Variants in FLT3 observed in about 807,000 individuals in gnomAD.
FLT3 encodes receptor-type tyrosine-protein kinase FLT3.
Under a neutral mutation model 126.6 loss-of-function variants are expected in FLT3, and 46 were observed. The ratio of observed to expected loss-of-function variants is 0.36; its 90% CI spans 0.29 to 0.46. The LOEUF (loss-of-function observed/expected upper bound fraction) is 0.46, where lower values mean the gene tolerates loss of function less well. Ranked by LOEUF, FLT3 falls within the 20% of genes least tolerant of loss-of-function variation. FLT3 has a pLI of 1.00. For missense variants in FLT3, 1,069 were observed against 1,190.3 expected, an observed-to-expected ratio of 0.90 and a Z score of 1.50; for synonymous variants, 404 against 434.4, an observed-to-expected ratio of 0.93 and a Z score of 0.87.
chr13:28,018,566 G>A lies in FLT3; in HGVS notation c.2442C>T (p.Ala814=), dbSNP rs1419646686. 2 of 1,614,118 alleles carry A rather than the reference G, an allele frequency of 1.2e-6. No homozygotes were observed. ...TCCCGTGGGTGACAAGCACGTTCCT[G>A]GCGGCCAGGTCTCTGTGAACACACT... ...FKSCVHRDLA[A]RNVLVTHGKV... The change falls in exon 20 of 24, where the codon GCC becomes GCT. Residue 814 remains alanine, a synonymous_variant. Transcript: ENST00000241453.
chr13:28,060,688 TC>T (rs1876474064), intron 3 of FLT3, among the ~76,000 whole-genome samples: 1 of 151,952 alleles, frequency 6.6e-6, no homozygotes, highest in South Asian at 2.1e-4. Flanking sequence ...TCACCGAACA[TC>T]CCCCTCTGGG....
At chr13:28,064,598 C>T (rs909448877) in intron 2 of FLT3, among the ~76,000 whole-genome samples, 3 of 151,980 alleles carry the variant, frequency 2.0e-5, no homozygotes, top group Admixed American at 6.6e-5. Flanking sequence ...GAATGGCCCT[C>T]AAGCATATGA....
At chr13:28,010,942 G>A (rs936202910) in intron 23 of FLT3, among the ~76,000 whole-genome samples, 3 of 151,984 alleles carry the variant, frequency 2.0e-5, no homozygotes, top group Non-Finnish European at 2.9e-5. Flanking sequence ...GGTGAAGGTT[G>A]CAGTGAGCGG....
intron 2 of FLT3, among the ~76,000 whole-genome samples, chr13:28,063,738 G>GA (rs10719225): frequency 1.6e-4 from 24 of 147,750 alleles, no homozygotes; most frequent in African/African-American, 3.7e-4. Flanking sequence ...TATGAGACTA[G>GA]AAAAAAAAAA....
intron 2 of FLT3, chr13:28,067,550 G>A (rs1314721778): frequency 6.5e-6 from 1 of 153,602 alleles, no homozygotes; most frequent in Admixed American, 6.6e-5. Flanking sequence ...GAGTCCCACA[G>A]AGCCATGAAG....
rs1293019337 is a variant in FLT3, at chr13:28,014,666, C to T, written c.2754-109G>A. ...TTATTCCTCTGGAGCTGCTTATTTA[C>T]AGCATGTTTGTTTTGTGGCAAGTCC... On this transcript the variant is annotated intron_variant, in intron 22 of 23. Coordinates refer to ENST00000241453, the MANE Select transcript of FLT3 (RefSeq NM_004119.3). 6.9e-6 allele frequency: 5 copies of T among 724,974 alleles called. No homozygotes were observed. In the East Asian group the frequency reaches 1.4e-4, roughly 20 times the overall value. 44.9% of individuals were successfully genotyped at this position (724,974 alleles called of 1,614,324 possible). A position where few individuals can be genotyped will look rare whatever the true frequency, so the allele number is the denominator to read the frequency against.
Position 28,099,771 on chromosome 13 carries a change from A to G in FLT3, c.43+697T>C, listed in dbSNP as rs9554258. Among the ~76,000 whole-genome samples, 24 of 152,242 alleles carry G rather than the reference A, an allele frequency of 1.6e-4. No homozygotes were observed. In the East Asian group the frequency reaches 4.6e-3, roughly 29 times the overall value. On this transcript the variant is annotated intron_variant, in intron 1 of 23. Coordinates refer to ENST00000241453, the MANE Select transcript of FLT3 (RefSeq NM_004119.3). ...ATGCTACCCAGCAGATTCTTTGGGG[A>G]CAGTCCTCGGAGTCCTTGAAAACCC...
intron 1 of FLT3, among the ~76,000 whole-genome samples, chr13:28,076,126 A>G (rs1057202698): frequency 6.6e-6 from 1 of 152,152 alleles, no homozygotes; most frequent in African/African-American, 2.4e-5. Flanking sequence ...TATACAATGC[A>G]TTTTTAAAAT....
chr13:28,056,692 A>C (rs9513013), intron 4 of FLT3, among the ~76,000 whole-genome samples: 1 of 152,102 alleles, frequency 6.6e-6, no homozygotes, highest in Non-Finnish European at 1.5e-5. Context: ...TCTAGCACGC[A>C]TGTGGGCCCG....
At chr13:28,043,330 T>C (rs1479146836) in intron 9 of FLT3, among the ~76,000 whole-genome samples, 1 of 152,158 alleles carries the variant, frequency 6.6e-6, no homozygotes, top group East Asian at 1.9e-4. Context: ...CCAGGACGGC[T>C]AGAAAGTTAT....
At chr13:28,089,196 A>T (rs914502995) in intron 1 of FLT3, among the ~76,000 whole-genome samples, 1 of 152,186 alleles carries the variant, frequency 6.6e-6, no homozygotes, top group Non-Finnish European at 1.5e-5. Flanking sequence ...CAAAAAACTG[A>T]CAATACCACA....
At chr13:28,050,017 T>C in intron 6 of FLT3, 78 bp downstream of exon 6, 1 of 1,470,496 alleles carries the variant, frequency 6.8e-7, no homozygotes, top group East Asian at 2.3e-5. Flanking sequence ...AATGATCACC[T>C]ACGCAGTTAC....
chr13:28,095,822 G>A (rs535646326), intron 1 of FLT3, among the ~76,000 whole-genome samples: 1 of 152,094 alleles, frequency 6.6e-6, no homozygotes, highest in African/African-American at 2.4e-5. Flanking sequence ...GGAACACAAA[G>A]AACCGTGGAT....
chr13:28,037,301 G>C lies in FLT3; in HGVS notation c.1206-13C>G. 6.6e-7 allele frequency: 1 copy of C among 1,526,688 alleles called. No homozygotes were observed. Among genetic ancestry groups the C allele is most frequent in the Non-Finnish European group, 9.1e-7 (1 of 1,101,302 alleles). The allele number at this position is 1,526,688 out of a possible 1,614,324, so 94.6% of individuals were successfully genotyped here. On this transcript the variant is annotated splice_polypyrimidine_tract_variant and intron_variant, in intron 9 of 23. Transcript: ENST00000241453. The stretch of plus-strand genomic sequence containing the variant: ...AAACTTGGATATGCTGTTTGAAAAA[G>C]AATTAAAGACAGATTTAGCCCAATT...
intron 1 of FLT3, among the ~76,000 whole-genome samples, chr13:28,079,216 C>T (rs190725834): frequency 1.9e-3 from 284 of 152,284 alleles, no homozygotes; most frequent in Middle Eastern, 3.4e-3. Flanking sequence ...GGCAAAATGC[C>T]TCCAGTCTTT....
chr13:28,015,055 C>T (rs901854830), intron 22 of FLT3, 102 bp downstream of exon 22: 8 of 694,804 alleles, frequency 1.2e-5, no homozygotes, highest in East Asian at 2.7e-5. Context: ...GAATCCTATA[C>T]GCTTTGCACT....
At chr13:28,013,702 C>A (rs4435098) in intron 23 of FLT3, among the ~76,000 whole-genome samples, 37,814 of 151,984 alleles carry the variant, frequency 0.25, 4,819 homozygotes, top group Non-Finnish European at 0.28. Context: ...ATAATGGACA[C>A]AATTGGGAGA....
intron 1 of FLT3, among the ~76,000 whole-genome samples, chr13:28,073,015 A>AAAACAAC (rs1555261265): frequency 4.4e-4 from 66 of 150,076 alleles, no homozygotes; most frequent in South Asian, 8.4e-4. Context: ...TAAAAAAAAA[A>AAAACAAC]AACAACAACA....
rs2137678050 is a variant in FLT3, at chr13:28,034,475, C to T, written c.1598-68G>A. ...GTGTGACATTATAAATAGTGGACAA[C>T]TCATTATAATCTCTCACATCCTGTT... On this transcript the variant is annotated intron_variant, in intron 12 of 23. Coordinates refer to ENST00000241453, the MANE Select transcript of FLT3 (RefSeq NM_004119.3). 4 of 1,126,620 alleles carry T rather than the reference C, an allele frequency of 3.6e-6. 1 individual carries two copies. The highest frequency in any genetic ancestry group is 3.9e-4 in the Middle Eastern group (2 of 5,102). The allele number at this position is 1,126,620 out of a possible 1,614,324, so 69.8% of individuals were successfully genotyped here. A position where few individuals can be genotyped will look rare whatever the true frequency, so the allele number is the denominator to read the frequency against.
Sources: allele counts gnomAD v4.1 joint callset (sites outside exome capture counted in the v4.1 genomes callset), GRCh38; gene constraint gnomAD v4.1.1; transcripts MANE v1.5; gene names NCBI Gene and HGNC (gene_info 2026-07-23, HGNC 2026-07-21).